SLC2A9: variants seen among roughly 807,000 people sequenced by gnomAD.
SLC2A9 encodes the protein solute carrier family 2, facilitated glucose transporter member 9.
SLC2A9 carries 39 observed loss-of-function variants against 50.6 expected under a neutral mutation model. The observed-to-expected ratio is 0.77, with a 90% CI of 0.60 to 1.01. The LOEUF is 1.01. Ranked by LOEUF, SLC2A9 falls within the 50% of genes least tolerant of loss-of-function variation. SLC2A9 has a pLI of 0.00. For synonymous variants in SLC2A9, 324 were observed against 276.9 expected (o/e 1.17, Z -1.69); for missense variants, 686 against 677.6 (o/e 1.01, Z -0.14).
At chr4:9,867,075 A>G (rs545830072) in intron 10 of SLC2A9, among the ~76,000 whole-genome samples, 51 of 152,360 alleles carry the variant, frequency 3.3e-4, no homozygotes, top group Non-Finnish European at 6.6e-4. Context: ...TCCTCAGTTT[A>G]ACAGAAAAAC....
chr4:9,886,455 TG>T (rs1736268839), intron 10 of SLC2A9, among the ~76,000 whole-genome samples: 3 of 150,654 alleles, frequency 2.0e-5, no homozygotes, highest in Non-Finnish European at 4.4e-5. Context: ...TGTGTGTGTG[TG>T]TGTGTGTGTG....
intron 3 of SLC2A9, chr4:9,781,993 G>A: frequency 7.1e-7 from 1 of 1,416,024 alleles, no homozygotes; most frequent in African/African-American, 1.4e-5. Context: ...GCTGAAGTTG[G>A]GACCGCGCAC....
intron 11 of SLC2A9, among the ~76,000 whole-genome samples, chr4:9,833,723 G>A (rs750593106): frequency 7.9e-5 from 12 of 152,256 alleles, no homozygotes; most frequent in South Asian, 2.1e-4. Context: ...ATTAGCAGGC[G>A]GACTTAGAAC....
intron 3 of SLC2A9, among the ~76,000 whole-genome samples, chr4:9,809,332 G>C (rs955627529): frequency 5.9e-5 from 9 of 152,248 alleles, no homozygotes; most frequent in Non-Finnish European, 1.3e-4. Context: ...TCATGGGAAT[G>C]TTAGTGTTGC....
chr4:9,860,143 A>T (rs962687200), intron 10 of SLC2A9, among the ~76,000 whole-genome samples: 3 of 152,080 alleles, frequency 2.0e-5, no homozygotes. Flanking sequence ...GGGTAGTACC[A>T]GGCGTTCTCT....
Position 9,931,952 on chromosome 4 carries a change from C to A in SLC2A9, c.814+9961G>T, listed in dbSNP as rs868383819. ...TCTCTCTCTCTCTCTCTCTCTCTCTCTCTCTCTCTCTATATATATATATAT... is the reference window on the plus strand; with the variant it reads ...TCTCTCTCTCTCTCTCTCTCTCTCTATCTCTCTCTCTATATATATATATAT... On this transcript the variant is annotated intron_variant, in intron 6 of 11. Coordinates refer to ENST00000264784, the MANE Select transcript of SLC2A9 (RefSeq NM_020041.3). Among the ~76,000 whole-genome samples, 149 of 56,988 alleles carry A rather than the reference C, an allele frequency of 2.6e-3. 2 individuals are homozygous for A. The highest frequency in any genetic ancestry group is 3.4e-3 in the African/African-American group (33 of 9,742). 37.4% of individuals were successfully genotyped at this position (56,988 alleles called of 152,430 possible).
chr4:9,791,397 G>A (rs778837516), intron 3 of SLC2A9, among the ~76,000 whole-genome samples: 2 of 152,170 alleles, frequency 1.3e-5, no homozygotes, highest in Non-Finnish European at 2.9e-5. Context: ...CTCAGATAGA[G>A]AGGAACTGTA....
chr4:9,934,625 C>A (rs1746729349), intron 6 of SLC2A9, among the ~76,000 whole-genome samples: 1 of 152,190 alleles, frequency 6.6e-6, no homozygotes, highest in South Asian at 2.1e-4. Flanking sequence ...AGTAGCAGAG[C>A]TGGATTTACC....
At chr4:9,917,272 G>GAAAT (rs1442032601) in intron 7 of SLC2A9, among the ~76,000 whole-genome samples, 2 of 142,266 alleles carry the variant, frequency 1.4e-5, no homozygotes, top group Non-Finnish European at 3.1e-5. Context: ...AAGGAATTTA[G>GAAAT]AAATAAATAA....
intron 10 of SLC2A9, among the ~76,000 whole-genome samples, chr4:9,870,929 G>T (rs981822843): frequency 1.2e-4 from 18 of 152,010 alleles, no homozygotes; most frequent in Non-Finnish European, 2.1e-4. Context: ...AGATTTTTTT[G>T]GGGGGTGTGT....
chr4:9,883,395 C>A (rs1735583221), intron 10 of SLC2A9, among the ~76,000 whole-genome samples: 1 of 152,238 alleles, frequency 6.6e-6, no homozygotes, highest in Non-Finnish European at 1.5e-5. Context: ...CTTGGGTTCA[C>A]ATCCTAGCTC....
chr4:9,975,100 T>A (rs1486436058), intron 5 of SLC2A9, among the ~76,000 whole-genome samples: 1 of 152,140 alleles, frequency 6.6e-6, no homozygotes, highest in African/African-American at 2.4e-5. Flanking sequence ...ATACAAAAAT[T>A]AACTCAAGAT....
At chr4:10,009,308 G>T (rs1001245282) in intron 2 of SLC2A9, among the ~76,000 whole-genome samples, 1 of 152,170 alleles carries the variant, frequency 6.6e-6, no homozygotes, top group African/African-American at 2.4e-5. Flanking sequence ...TGGCATTATG[G>T]GGTGGGATTA....
At chr4:9,951,948 C>A (rs537496054) in intron 5 of SLC2A9, among the ~76,000 whole-genome samples, 6 of 152,224 alleles carry the variant, frequency 3.9e-5, no homozygotes, top group Non-Finnish European at 8.8e-5. Flanking sequence ...AAGGCAGAGG[C>A]TAAAGCACTG....
chr4:9,839,863 A>G (rs1469586931), intron 10 of SLC2A9, among the ~76,000 whole-genome samples: 1 of 152,156 alleles, frequency 6.6e-6, no homozygotes, highest in Non-Finnish European at 1.5e-5. Flanking sequence ...AAAAATATTA[A>G]TAACAAATAG....
At chr4:10,028,037 A>G (rs537888116) in intron 1 of SLC2A9, among the ~76,000 whole-genome samples, 42 of 152,226 alleles carry the variant, frequency 2.8e-4, no homozygotes, top group African/African-American at 9.1e-4. Flanking sequence ...TGATTTGCTC[A>G]CGAGCCTCCC....
intron 3 of SLC2A9, among the ~76,000 whole-genome samples, chr4:9,993,849 C>T (rs73100648): frequency 2.2e-3 from 336 of 152,316 alleles, no homozygotes; most frequent in African/African-American, 7.1e-3. Context: ...GAGACTCTTC[C>T]TGGCCCCCTT....
intron 6 of SLC2A9, among the ~76,000 whole-genome samples, chr4:9,930,247 A>G (rs1745652970): frequency 6.6e-6 from 1 of 151,738 alleles, no homozygotes; most frequent in African/African-American, 2.4e-5. Context: ...CTTCACCATC[A>G]CTTTCATCAG....
At chr4:9,992,890 C>T (rs1462967943) in intron 3 of SLC2A9, among the ~76,000 whole-genome samples, 1 of 152,202 alleles carries the variant, frequency 6.6e-6, no homozygotes, top group African/African-American at 2.4e-5. Context: ...TAGCTGCTCC[C>T]TCAGGTGGGT....
Sources: gnomAD v4.1 joint callset for allele counts (sites outside exome capture counted in the v4.1 genomes callset) on GRCh38, gnomAD v4.1.1 for gene constraint, MANE v1.5 for transcripts, NCBI Gene and HGNC (gene_info 2026-07-23, HGNC 2026-07-21) for gene names.